Variants in TRPM8 observed in about 807,000 individuals in gnomAD.
TRPM8 encodes transient receptor potential cation channel subfamily M member 8, also known as TRPM8 cationic channel.
In TRPM8, 110 loss-of-function variants were observed where a neutral mutation model predicts 133.7. The ratio of observed to expected loss-of-function variants is 0.82; its 90% CI spans 0.70 to 0.96. The LOEUF (loss-of-function observed/expected upper bound fraction) is 0.96. Among genes scored for constraint, TRPM8 ranks in the 40% least tolerant of loss-of-function variants. The probability of loss-of-function intolerance (pLI) is 0.00; values close to 1 mark genes in which losing one functional copy is unlikely to be tolerated. For missense variants in TRPM8, 1,291 were observed against 1,379.5 expected (o/e 0.94, Z 1.02); for synonymous variants, 535 against 532.3 (o/e 1.01, Z -0.07).
chr2:233,994,423 G>A (rs1408338425), intron 21 of TRPM8, among the ~76,000 whole-genome samples: 1 of 152,198 alleles, frequency 6.6e-6, no homozygotes, highest in Non-Finnish European at 1.5e-5. Context: ...GGGTTGATGT[G>A]AGGATCAGTC....
At chr2:233,958,194 G>A (rs1691338636) in intron 11 of TRPM8, among the ~76,000 whole-genome samples, 1 of 152,076 alleles carries the variant, frequency 6.6e-6, no homozygotes, top group Non-Finnish European at 1.5e-5. Flanking sequence ...AGTTTTTTGA[G>A]GGCCTGGTCT....
intron 24 of TRPM8, among the ~76,000 whole-genome samples, chr2:234,009,731 C>T (rs187702580): frequency 6.6e-6 from 1 of 152,246 alleles, no homozygotes; most frequent in East Asian, 1.9e-4. Context: ...AAAATCCCTC[C>T]TTCTTTTTAC....
rs139422852 is a variant in TRPM8, at chr2:233,995,945, T to C, written c.2940-381T>C. 3.5e-3 allele frequency among the ~76,000 whole-genome samples: 528 copies of C among 152,282 alleles called. 1 individual carries two copies. The highest frequency in any genetic ancestry group is 6.6e-3 in the South Asian group (32 of 4,822). ...TTCTCAGGCTGTTTACACTTAGACA[T>C]GGATGAGGGCCACCATGCTAGTCCC... On this transcript the variant is annotated intron_variant, in intron 21 of 25. Transcript: ENST00000324695.
intron 3 of TRPM8, among the ~76,000 whole-genome samples, chr2:233,936,201 C>G (rs556523715): frequency 2.0e-5 from 3 of 152,080 alleles, no homozygotes; most frequent in African/African-American, 7.2e-5. Context: ...CCTAAGAGAC[C>G]AACTTAAAGG....
intron 3 of TRPM8, among the ~76,000 whole-genome samples, 200 bp from the exon 4 acceptor site, chr2:233,937,153 C>T (rs1574700750): frequency 6.6e-6 from 1 of 152,270 alleles, no homozygotes; most frequent in East Asian, 1.9e-4. Flanking sequence ...ACCTCACTCT[C>T]CCAAAGTGCT....
intron 9 of TRPM8, among the ~76,000 whole-genome samples, chr2:233,951,882 C>A (rs1212756894): frequency 6.6e-6 from 1 of 152,098 alleles, no homozygotes; most frequent in Non-Finnish European, 1.5e-5. Context: ...AATTAGACAA[C>A]CTTCCAGGGC....
intron 9 of TRPM8, among the ~76,000 whole-genome samples, chr2:233,953,018 A>G (rs1691205737): frequency 6.6e-6 from 1 of 151,592 alleles, no homozygotes; most frequent in South Asian, 2.1e-4. Context: ...TATCATCCCC[A>G]CCCACCCTCT....
intron 17 of TRPM8, 153 bp downstream of exon 17, chr2:233,970,579 G>A: frequency 1.1e-5 from 8 of 705,984 alleles, no homozygotes; most frequent in Non-Finnish European, 1.9e-5. Flanking sequence ...GAGTGTGAAG[G>A]TGCATTTTCA....
chr2:233,980,360 C>A, intron 18 of TRPM8, 81 bp downstream of exon 18: 2 of 890,668 alleles, frequency 2.2e-6, no homozygotes, highest in Non-Finnish European at 3.4e-6. Context: ...ATTTCAAACC[C>A]AAGGGAAGTC....
intron 1 of TRPM8, among the ~76,000 whole-genome samples, chr2:233,923,660 A>G (rs1420597652): frequency 1.3e-5 from 2 of 152,236 alleles, no homozygotes; most frequent in Non-Finnish European, 2.9e-5. Context: ...TGCCAGCTTC[A>G]TTAGAAGTAA....
chr2:233,992,989 C>G (rs563671212), intron 21 of TRPM8, among the ~76,000 whole-genome samples: 4 of 152,306 alleles, frequency 2.6e-5, no homozygotes, highest in Non-Finnish European at 4.4e-5. Flanking sequence ...AGGAGCCCCC[C>G]TCTGGAGAAC....
intron 1 of TRPM8, among the ~76,000 whole-genome samples, chr2:233,923,758 T>A (rs1490042913): frequency 2.0e-5 from 3 of 152,060 alleles, no homozygotes; most frequent in African/African-American, 4.8e-5. Flanking sequence ...CCTCACTCTC[T>A]CTTCTGCCTG....
intron 17 of TRPM8, among the ~76,000 whole-genome samples, chr2:233,978,856 C>T (rs1691936689): frequency 6.6e-6 from 1 of 152,154 alleles, no homozygotes; most frequent in Non-Finnish European, 1.5e-5. Context: ...AGTGCCCTCA[C>T]CCCCTTGGCC....
intron 22 of TRPM8, among the ~76,000 whole-genome samples, chr2:234,000,971 C>A (rs1035077153): frequency 2.0e-5 from 3 of 152,206 alleles, no homozygotes; most frequent in African/African-American, 7.2e-5. Context: ...AGCTACTGTT[C>A]TCAGCCAAAC....
At chr2:233,952,614 C>T (rs1232601789) in intron 9 of TRPM8, among the ~76,000 whole-genome samples, 2 of 151,650 alleles carry the variant, frequency 1.3e-5, no homozygotes, top group South Asian at 2.1e-4. Context: ...CCCTGAGCCC[C>T]GTTTGGTCTT....
At chr2:233,963,182 A>G (rs1691480823) in intron 12 of TRPM8, 100 bp from the exon 13 acceptor site, 2 of 654,956 alleles carry the variant, frequency 3.1e-6, no homozygotes, top group Admixed American at 2.6e-5. Context: ...GTCATGCACA[A>G]AGCCACAGAG....
chr2:233,992,425 C>T (rs1692302684), intron 21 of TRPM8, among the ~76,000 whole-genome samples: 1 of 152,008 alleles, frequency 6.6e-6, no homozygotes, highest in Non-Finnish European at 1.5e-5. Context: ...TTTAGTCATC[C>T]TATTCCATGG....
chr2:233,966,870 A>G, intron 15 of TRPM8, 115 bp downstream of exon 15: 1 of 1,327,920 alleles, frequency 7.5e-7, no homozygotes, highest in Non-Finnish European at 1.0e-6. Flanking sequence ...TATAAAAGCC[A>G]TAGAAGGAGT....
intron 1 of TRPM8, among the ~76,000 whole-genome samples, chr2:233,926,172 G>A (rs1327796105): frequency 1.3e-5 from 2 of 152,226 alleles, no homozygotes; most frequent in Admixed American, 6.5e-5. Context: ...AGTAGCTACT[G>A]CAAGCCCCTC....
Sources: allele counts gnomAD v4.1 joint callset (sites outside exome capture counted in the v4.1 genomes callset), GRCh38; gene constraint gnomAD v4.1.1; transcripts MANE v1.5; gene names NCBI Gene and HGNC (gene_info 2026-07-23, HGNC 2026-07-21).